The following CDH12 variants were observed in gnomAD, a reference collection of about 807,000 sequenced individuals.
CDH12 encodes the protein cadherin-12.
CDH12 carries 41 observed loss-of-function variants against 74.1 expected under a neutral mutation model. The observed-to-expected ratio is 0.55, with a 90% CI of 0.43 to 0.72. The LOEUF is 0.72. Ranked by LOEUF, CDH12 falls within the 30% of genes least tolerant of loss-of-function variation. The probability of loss-of-function intolerance (pLI) is 0.00; values close to 1 mark genes in which losing one functional copy is unlikely to be tolerated. For missense variants in CDH12, 945 were observed against 977.2 expected, an observed-to-expected ratio of 0.97 and a Z score of 0.44; for synonymous variants, 399 against 355.0, an observed-to-expected ratio of 1.12 and a Z score of -1.39.
intron 1 of CDH12, among the ~76,000 whole-genome samples, chr5:22,821,253 C>T (rs933129930): frequency 1.6e-4 from 24 of 152,226 alleles, no homozygotes; most frequent in Non-Finnish European, 2.5e-4. Flanking sequence ...TAAGAGCTAT[C>T]TATGACAAAC....
Position 22,313,275 on chromosome 5 carries a change from T to C in CDH12, c.-333+91982A>G, listed in dbSNP as rs372187592. 1.1e-4 allele frequency among the ~76,000 whole-genome samples: 17 copies of C among 152,060 alleles called. 1 individual carries two copies. In the East Asian group the frequency reaches 1.2e-3, roughly 10 times the overall value. ...GATGATAAATTCTGAAGGTAGACTT[T>C]GAGAAGAGAGAAAGTGCCATGTTTT... On this transcript the variant is annotated intron_variant, in intron 3 of 14. Transcript: ENST00000382254.
intron 9 of CDH12, among the ~76,000 whole-genome samples, chr5:21,814,724 T>C (rs1048236542): frequency 1.3e-5 from 2 of 150,560 alleles, no homozygotes; most frequent in African/African-American, 2.4e-5. Flanking sequence ...AATTTTACTT[T>C]GGAAGTATAC....
At chr5:22,550,229 A>G (rs1738509248) in intron 1 of CDH12, among the ~76,000 whole-genome samples, 1 of 148,946 alleles carries the variant, frequency 6.7e-6, no homozygotes, top group African/African-American at 2.5e-5. Flanking sequence ...TTTCTTCTCT[A>G]CTCTATCTTC....
At chr5:22,375,767 G>T (rs1271657104) in intron 3 of CDH12, among the ~76,000 whole-genome samples, 1 of 151,876 alleles carries the variant, frequency 6.6e-6, no homozygotes, top group Non-Finnish European at 1.5e-5. Context: ...CAGTAAGAAT[G>T]GCTATTATTG....
intron 1 of CDH12, among the ~76,000 whole-genome samples, chr5:22,674,058 A>T (rs1741038759): frequency 6.6e-6 from 1 of 152,212 alleles, no homozygotes; most frequent in African/African-American, 2.4e-5. Context: ...TGCTTATAAG[A>T]TCCAGAACTG....
In CDH12 at chr5:22,000,105, T is replaced by G. The variant is rs376221438; in HGVS notation, c.232-24720A>C. 3.0e-4 allele frequency among the ~76,000 whole-genome samples: 45 copies of G among 152,070 alleles called. 1 individual carries two copies. In the East Asian group the frequency reaches 3.9e-3, roughly 13 times the overall value. ...AGTGTAGAAATGTGACTCCTGCTATTTGCTTTTTCTTTTCTTTTTTCTTAT... is the reference window on the plus strand; with the variant it reads ...AGTGTAGAAATGTGACTCCTGCTATGTGCTTTTTCTTTTCTTTTTTCTTAT... On this transcript the variant is annotated intron_variant, in intron 5 of 14. Transcript: ENST00000382254.
chr5:22,657,315 C>A (rs1394244786), intron 1 of CDH12, among the ~76,000 whole-genome samples: 2 of 152,112 alleles, frequency 1.3e-5, no homozygotes, highest in Admixed American at 6.6e-5. Flanking sequence ...TTGTCGCAAT[C>A]TGGAGGCTGA....
intron 2 of CDH12, among the ~76,000 whole-genome samples, chr5:22,491,730 G>A (rs1005650741): frequency 2.0e-5 from 3 of 152,122 alleles, no homozygotes; most frequent in African/African-American, 7.2e-5. Flanking sequence ...CTGGCTGTGG[G>A]CTGTGGGTTG....
intron 2 of CDH12, among the ~76,000 whole-genome samples, chr5:22,495,060 G>T (rs1747046582): frequency 6.6e-6 from 1 of 152,102 alleles, no homozygotes. Context: ...TTGCACAATT[G>T]AAGAAGCAGT....
At chr5:21,869,796 A>G (rs534533420) in intron 6 of CDH12, among the ~76,000 whole-genome samples, 1 of 152,342 alleles carries the variant, frequency 6.6e-6, no homozygotes, top group Non-Finnish European at 1.5e-5. Context: ...AAGGAAATGC[A>G]TATGGGTGCC....
chr5:22,082,486 A>G (rs1255926671), intron 4 of CDH12, among the ~76,000 whole-genome samples: 2 of 152,048 alleles, frequency 1.3e-5, no homozygotes, highest in South Asian at 2.1e-4. Context: ...GAGACTATAC[A>G]CATCCCAGGT....
intron 2 of CDH12, among the ~76,000 whole-genome samples, chr5:22,501,091 A>T (rs1238580731): frequency 6.6e-6 from 1 of 152,176 alleles, no homozygotes; most frequent in Non-Finnish European, 1.5e-5. Flanking sequence ...AAAGAAAAAA[A>T]AAAGATCCTC....
intron 3 of CDH12, among the ~76,000 whole-genome samples, chr5:22,242,928 C>T (rs1386036794): frequency 6.6e-6 from 1 of 151,998 alleles, no homozygotes; most frequent in Non-Finnish European, 1.5e-5. Flanking sequence ...CTTTCCGCTT[C>T]AGGTATTGGT....
At chr5:21,833,316 T>C (rs1484954839) in intron 8 of CDH12, among the ~76,000 whole-genome samples, 639 of 9,728 alleles carry the variant, frequency 0.066, 57 homozygotes, top group African/African-American at 0.19. Context: ...TGTTATATGT[T>C]ATATAATATA....
chr5:22,627,253 C>T (rs558571202), intron 1 of CDH12, among the ~76,000 whole-genome samples: 1 of 152,126 alleles, frequency 6.6e-6, no homozygotes, highest in South Asian at 2.1e-4. Context: ...CTGTGAAATA[C>T]TATACAGGAT....
intron 1 of CDH12, among the ~76,000 whole-genome samples, chr5:22,711,927 A>C (rs1171197542): frequency 6.6e-6 from 1 of 152,088 alleles, no homozygotes; most frequent in Admixed American, 6.5e-5. Flanking sequence ...CAACTGTTGA[A>C]TAGAAAGCTA....
chr5:22,276,232 A>G (rs530239779), intron 3 of CDH12, among the ~76,000 whole-genome samples: 7 of 152,202 alleles, frequency 4.6e-5, no homozygotes, highest in Non-Finnish European at 7.4e-5. Flanking sequence ...GTAAAGTATA[A>G]GCAGTATCTT....
intron 3 of CDH12, among the ~76,000 whole-genome samples, chr5:22,321,136 A>C (rs1738858430): frequency 6.6e-6 from 1 of 152,116 alleles, no homozygotes. Flanking sequence ...ATTGTTTTTC[A>C]AAAAAATAAA....
intron 1 of CDH12, among the ~76,000 whole-genome samples, chr5:22,801,675 ATAT>A (rs1748532091): frequency 9.2e-6 from 1 of 109,010 alleles, no homozygotes; most frequent in Non-Finnish European, 1.7e-5. Flanking sequence ...ATATATATAT[ATAT>A]ATATATACAC....
Sources: allele counts gnomAD v4.1 joint callset (sites outside exome capture counted in the v4.1 genomes callset), GRCh38; gene constraint gnomAD v4.1.1; transcripts MANE v1.5; gene names NCBI Gene and HGNC (gene_info 2026-07-23, HGNC 2026-07-21).